SRCIN1: variants seen among roughly 807,000 people sequenced by gnomAD.
SRCIN1 encodes the protein SRC kinase signaling inhibitor 1.
SRCIN1 carries 50 observed loss-of-function variants against 116.2 expected under a neutral mutation model. The observed-to-expected ratio is 0.43, with a 90% CI of 0.34 to 0.54. The LOEUF (loss-of-function observed/expected upper bound fraction) is 0.54. Among genes scored for constraint, SRCIN1 ranks in the 20% least tolerant of loss-of-function variants. SRCIN1 has a pLI of 0.02. For missense variants in SRCIN1, 1,446 were observed against 1,672.0 expected (o/e 0.86, Z 2.36); for synonymous variants, 736 against 750.0 (o/e 0.98, Z 0.30).
intron 14 of SRCIN1, 152 bp from the exon 15 acceptor site, chr17:38,551,541 T>A: frequency 1.4e-6 from 1 of 706,498 alleles, no homozygotes; most frequent in Non-Finnish European, 2.3e-6. Context: ...TGACTTCTCG[T>A]GGGTATCACA....
chr17:38,586,626 AC>A (rs1908127280), intron 1 of SRCIN1, among the ~76,000 whole-genome samples: 1 of 152,020 alleles, frequency 6.6e-6, no homozygotes, highest in South Asian at 2.1e-4. Context: ...GAATACTGCC[AC>A]CCCCTTCCCA....
At chr17:38,574,751 C>T (rs1444699866) in intron 2 of SRCIN1, 1 of 398,306 alleles carries the variant, frequency 2.5e-6, no homozygotes, top group East Asian at 3.6e-5. Context: ...ATAGGGGCTC[C>T]TACACCAAAG....
Position 38,552,659 on chromosome 17 carries a change from G to C in SRCIN1, c.2333-65C>G. ...CACCACAGACTGGGAGGAGAGGATG[G>C]TGGCTGGAGTATGGCAGACTTCCCC... On this transcript the variant is annotated intron_variant, in intron 12 of 18. Transcript: ENST00000617146. The surrounding 1 kb of genome is among the most constrained non-coding windows in gnomAD (Gnocchi z 5.3). 2 of 1,613,144 alleles carry C rather than the reference G, an allele frequency of 1.2e-6. No homozygotes were observed. The highest frequency in any genetic ancestry group is 3.3e-5 in the Admixed American group (2 of 59,956).
Position 38,585,988 on chromosome 17 carries a change from A to T in SRCIN1, c.23-7197T>A, listed in dbSNP as rs1043762797. ...CTGCCAGCCCAGCCCCACCCCCTGA[A>T]TGTCAGGCTCCACTTCAGGAGAGTC... is the stretch of plus-strand genomic sequence containing the variant. On this transcript the variant is annotated intron_variant, in intron 1 of 18. Transcript: ENST00000617146. The surrounding 1 kb of genome is among the most constrained non-coding windows in gnomAD (Gnocchi z 4.2). Among the ~76,000 whole-genome samples, 1 of 152,092 alleles carries T rather than the reference A, an allele frequency of 6.6e-6. No homozygotes were observed. Among genetic ancestry groups the T allele is most frequent in the African/African-American group, 2.4e-5 (1 of 41,422 alleles).
rs780941487 is a variant in SRCIN1 at position 38,552,032 on chromosome 17, C to T, written c.2581G>A (p.Glu861Lys). Residue 861 changes from glutamate to lysine, a missense_variant, in exon 14 of 19, where the codon GAA (glutamate) becomes AAA (lysine). Glu to Lys is a moderately conservative substitution (Grantham distance 56, BLOSUM62 1). This residue lies in a region of SRCIN1 where 531 missense variants were observed against 633.9 expected (regional missense o/e 0.84). Transcript: ENST00000617146. This position sits in a 1 kb window ranked among gnomAD's most constrained non-coding sequence, Gnocchi z 5.3. The stretch of plus-strand genomic sequence containing the variant: ...AGCGGGGGGCTGGGGGGTGGCATTT[C>T]GAAGTCCACGCTCTTGTTGAAGTCA... ...ETDFNKSVDF[E>K]MPPPSPPLNL... The T allele has an allele frequency of 6.2e-6, 10 of 1,613,702 alleles. No homozygotes were observed. The highest frequency in any genetic ancestry group is 1.7e-5 in the Admixed American group (1 of 60,006).
At chr17:38,595,676 C>T (rs1461162457) in intron 1 of SRCIN1, among the ~76,000 whole-genome samples, 1 of 152,172 alleles carries the variant, frequency 6.6e-6, no homozygotes, top group Non-Finnish European at 1.5e-5. Context: ...CATGGGCTTC[C>T]CCCCATAAGA....
Position 38,544,008 on chromosome 17 carries a change from C to T in SRCIN1, c.3271-39G>A, listed in dbSNP as rs752032066. 4.5e-6 allele frequency: 7 copies of T among 1,542,528 alleles called. No homozygotes were observed. The South Asian group carries it at 8.3e-5, about 18-fold the overall frequency. On this transcript the variant is annotated intron_variant, in intron 17 of 18. Coordinates refer to ENST00000617146, the MANE Select transcript of SRCIN1 (RefSeq NM_025248.3). The surrounding 1 kb of genome is among the most constrained non-coding windows in gnomAD (Gnocchi z 4.5). ...AACAGGGTTGCAGTTGCAGAGTCCA[C>T]ATGGGGTGAATCACACAGGAACCCT...
At chr17:38,597,206 T>C (rs3892953) in intron 1 of SRCIN1, among the ~76,000 whole-genome samples, 3,134 of 152,308 alleles carry the variant, frequency 0.021, 56 homozygotes, top group Non-Finnish European at 0.029. Flanking sequence ...ATATTAAGAA[T>C]GCTCATTGAT....
chr17:38,533,236 AGAGGGGAGAAATGGCAGGAGT>A lies in SRCIN1; in HGVS notation c.*40_*60del. 1 of 1,459,744 alleles carries A rather than the reference AGAGGGGAGAAATGGCAGGAGT, an allele frequency of 6.9e-7. No individual in the cohort carries two copies. The highest frequency in any genetic ancestry group is 9.1e-7 in the Non-Finnish European group (1 of 1,102,110). 90.4% of individuals were successfully genotyped at this position (1,459,744 alleles called of 1,614,324 possible). A position where few individuals can be genotyped will look rare whatever the true frequency, so the allele number is the denominator to read the frequency against. ...TGGGGTGGGGTGGAGATGAAGGAAGAGAGGGGAGAAATGGCAGGAGTGAGGGAGGGGGACAGGCGGGGCAGC... is the reference window on the plus strand; with the variant it reads ...TGGGGTGGGGTGGAGATGAAGGAAGAGAGGGAGGGGGACAGGCGGGGCAGC... On this transcript the variant is annotated 3_prime_UTR_variant, in exon 19 of 19. Coordinates refer to ENST00000617146, the MANE Select transcript of SRCIN1 (RefSeq NM_025248.3).
chr17:38,581,331 G>A (rs577077549), intron 1 of SRCIN1, among the ~76,000 whole-genome samples: 46 of 151,522 alleles, frequency 3.0e-4, no homozygotes, highest in African/African-American at 9.9e-4. Flanking sequence ...GCTTGAACCC[G>A]GGAGGCAGAG....
chr17:38,562,346 C>T lies in SRCIN1; in HGVS notation c.835-18G>A. 1.4e-6 allele frequency: 2 copies of T among 1,432,100 alleles called. No individual in the cohort carries two copies. The highest frequency in any genetic ancestry group is 1.8e-6 in the Non-Finnish European group (2 of 1,103,002). 88.7% of individuals were successfully genotyped at this position (1,432,100 alleles called of 1,614,324 possible). The stretch of plus-strand genomic sequence containing the variant: ...ATCTCTCTCTGCGCAGAAGACAGCC[C>T]GGAACCCCACGGGGCTGGTCACCAA... On this transcript the variant is annotated intron_variant, in intron 6 of 18. Transcript: ENST00000617146. The surrounding 1 kb of genome is among the most constrained non-coding windows in gnomAD (Gnocchi z 4.2).
intron 2 of SRCIN1, among the ~76,000 whole-genome samples, chr17:38,576,700 AC>A (rs988795589): frequency 1.3e-5 from 2 of 149,282 alleles, no homozygotes; most frequent in African/African-American, 5.0e-5. Flanking sequence ...TTTCCCTCCA[AC>A]CCTCCTATTT....
chr17:38,584,946 G>C (rs1908034423), intron 1 of SRCIN1, among the ~76,000 whole-genome samples: 1 of 152,116 alleles, frequency 6.6e-6, no homozygotes, highest in Non-Finnish European at 1.5e-5. Context: ...AACTCTCTGG[G>C]GCCCCTGATG....
chr17:38,534,666 G>T (rs1455410309), intron 18 of SRCIN1, among the ~76,000 whole-genome samples: 1 of 152,182 alleles, frequency 6.6e-6, no homozygotes, highest in Non-Finnish European at 1.5e-5. Flanking sequence ...AGAAGCTAGA[G>T]TCTAAAGCAA....
At position 38,552,118 on chromosome 17, in the gene SRCIN1, C is replaced by T. The variant is rs1905465904; in HGVS notation, c.2495G>A (p.Gly832Asp). ...GAGATTGTTGGGGGGTGGCCACACA[C>T]CCTCATCCACTTGCCTGGGGTTGGG... ...LAQIRRQVDE[G>D]VWPPPNNLLS... is the part of the protein sequence containing the mutation. The change falls in exon 14 of 19, where the codon GGT (glycine) becomes GAT (aspartate). Residue 832 changes from glycine (G) to aspartate (D), a missense_variant. This residue lies in a region of SRCIN1 where 531 missense variants were observed against 633.9 expected (regional missense o/e 0.84). Coordinates refer to ENST00000617146, the MANE Select transcript of SRCIN1 (RefSeq NM_025248.3). The surrounding 1 kb of genome is among the most constrained non-coding windows in gnomAD (Gnocchi z 5.3). 1.2e-6 allele frequency: 2 copies of T among 1,611,046 alleles called. No individual in the cohort carries two copies. Among genetic ancestry groups the T allele is most frequent in the Non-Finnish European group, 1.7e-6 (2 of 1,178,156 alleles).
At chr17:38,537,435 A>T (rs1404577885) in intron 18 of SRCIN1, among the ~76,000 whole-genome samples, 1 of 151,938 alleles carries the variant, frequency 6.6e-6, no homozygotes, top group Non-Finnish European at 1.5e-5. Flanking sequence ...GGAGAGGTTG[A>T]GGCTGCAGGG....
intron 17 of SRCIN1, among the ~76,000 whole-genome samples, 194 bp downstream of exon 17, chr17:38,548,363 A>C (rs1474371457): frequency 1.3e-5 from 2 of 152,168 alleles, no homozygotes; most frequent in Non-Finnish European, 2.9e-5. Flanking sequence ...CAAGGAGAGA[A>C]GACTTTAGAC....
chr17:38,548,908 A>G (rs1905226080), intron 16 of SRCIN1, 148 bp downstream of exon 16: 2 of 1,221,360 alleles, frequency 1.6e-6, no homozygotes, highest in Non-Finnish European at 1.1e-6. Flanking sequence ...CCAAACTAGC[A>G]GGACAAAGTC....
At chr17:38,536,620 G>A (rs76547629) in intron 18 of SRCIN1, among the ~76,000 whole-genome samples, 10,087 of 152,156 alleles carry the variant, frequency 0.066, 463 homozygotes, top group East Asian at 0.15. Flanking sequence ...TACAGACCCC[G>A]CTGACTCCAC....
Sources: gnomAD v4.1 joint callset for allele counts (sites outside exome capture counted in the v4.1 genomes callset) on GRCh38, gnomAD v4.1.1 for gene constraint, gnomAD v4.1.1 regional missense constraint, Gnocchi (gnomAD v3.1) non-coding constraint, MANE v1.5 for transcripts, NCBI Gene and HGNC (gene_info 2026-07-23, HGNC 2026-07-21) for gene names.